Variants in TAF3 observed in about 807,000 individuals in gnomAD.
TAF3 encodes transcription initiation factor TFIID subunit 3.
TAF3 carries 7 observed loss-of-function variants against 80.6 expected under a neutral mutation model. The observed-to-expected ratio is 0.09, with a 90% confidence interval of 0.05 to 0.16. The LOEUF is 0.16. TAF3 is among the 10% of genes least tolerant of loss of function. The pLI is 1.00. For synonymous variants in TAF3, 444 were observed against 446.1 expected (o/e 1.00, Z 0.06); for missense variants, 921 against 1,140.2 (o/e 0.81, Z 2.77).
chr10:7,923,910 G>C (rs1837791033), intron 2 of TAF3, among the ~76,000 whole-genome samples: 1 of 152,150 alleles, frequency 6.6e-6, no homozygotes, highest in African/African-American at 2.4e-5. Flanking sequence ...TAATGGAACT[G>C]TTGAATTTCG....
chr10:7,972,741 T>A (rs1473903825), intron 3 of TAF3, among the ~76,000 whole-genome samples: 1 of 152,220 alleles, frequency 6.6e-6, no homozygotes, highest in African/African-American at 2.4e-5. Context: ...GACCATTTCT[T>A]GATTCCTTTG....
chr10:8,007,153 A>G (rs1832002036), intron 4 of TAF3, among the ~76,000 whole-genome samples: 1 of 152,180 alleles, frequency 6.6e-6, no homozygotes, highest in African/African-American at 2.4e-5. Context: ...TTTCAGTAGG[A>G]TGATGGACAA....
rs555365666 is a variant in TAF3 at position 7,929,586 on chromosome 10, A to G, written c.410-34334A>G. ...CTAATTTTTGTGATTTTATAGACAA[A>G]CTCCTGGACTCAAGTGACCTACTCA... On this transcript the variant is annotated intron_variant, in intron 2 of 6. Coordinates refer to ENST00000344293, the MANE Select transcript of TAF3 (RefSeq NM_031923.4). Among the ~76,000 whole-genome samples the G allele has an allele frequency of 5.7e-4, 85 of 150,026 alleles. No homozygotes were observed. The South Asian group carries it at 0.017, about 30-fold the overall frequency.
chr10:7,937,999 A>G (rs921203203), intron 2 of TAF3, among the ~76,000 whole-genome samples: 4 of 152,212 alleles, frequency 2.6e-5, no homozygotes, highest in East Asian at 1.9e-4. Flanking sequence ...GGATTTTGCA[A>G]TAGATGGTGG....
chr10:7,863,688 C>CACACATATATATATAT (rs1837176248), intron 2 of TAF3, among the ~76,000 whole-genome samples: 1 of 62,582 alleles, frequency 1.6e-5, no homozygotes, highest in African/African-American at 7.4e-5. Context: ...TATATATACA[C>CACACATATATATATAT]ACACATATAT....
intron 2 of TAF3, among the ~76,000 whole-genome samples, chr10:7,857,057 C>A (rs1163484054): frequency 1.3e-5 from 2 of 152,198 alleles, no homozygotes; most frequent in African/African-American, 2.4e-5. Context: ...ACCACTGTTA[C>A]AACTGACAGA....
chr10:7,950,543 T>C (rs1261925218), intron 2 of TAF3, among the ~76,000 whole-genome samples: 2 of 152,230 alleles, frequency 1.3e-5, no homozygotes, highest in African/African-American at 4.8e-5. Context: ...CTTCTGAGGA[T>C]GGAATCACTT....
At chr10:7,984,884 C>A (rs886728748) in intron 4 of TAF3, among the ~76,000 whole-genome samples, 2 of 152,168 alleles carry the variant, frequency 1.3e-5, no homozygotes, top group Admixed American at 6.5e-5. Flanking sequence ...TCAAACTACT[C>A]ACACTTCTGG....
At chr10:8,011,779 T>C (rs1235276748) in intron 5 of TAF3, among the ~76,000 whole-genome samples, 1 of 152,230 alleles carries the variant, frequency 6.6e-6, no homozygotes, top group Non-Finnish European at 1.5e-5. Context: ...TTAAACTTGG[T>C]AATCTCTGTG....
rs143458713 is a variant in TAF3 at position 7,830,243 on chromosome 10, A to G, written c.409+5683A>G. ...TAAATGGTTGATCTGAAGGAAATTT[A>G]AACCCTTTCTCCCAGTTCAAGAAAC... On this transcript the variant is annotated intron_variant, in intron 2 of 6. Coordinates refer to ENST00000344293, the MANE Select transcript of TAF3 (RefSeq NM_031923.4). 3.9e-3 allele frequency among the ~76,000 whole-genome samples: 598 copies of G among 152,144 alleles called. 3 individuals carry two copies. Among genetic ancestry groups the G allele is most frequent in the African/African-American group, 0.013 (545 of 41,498 alleles).
chr10:7,931,093 G>A (rs1837865684), intron 2 of TAF3, among the ~76,000 whole-genome samples: 1 of 152,096 alleles, frequency 6.6e-6, no homozygotes, highest in African/African-American at 2.4e-5. Flanking sequence ...ATTGCCTGGT[G>A]TTTTTAATTT....
At chr10:7,835,125 A>T (rs1836838911) in intron 2 of TAF3, among the ~76,000 whole-genome samples, 1 of 152,212 alleles carries the variant, frequency 6.6e-6, no homozygotes, top group Admixed American at 6.5e-5. Flanking sequence ...ACAGGTGTCC[A>T]ATCTTTTGGC....
rs149475418 is a variant in TAF3 at position 7,896,862 on chromosome 10, C to T, written c.410-67058C>T. Among the ~76,000 whole-genome samples, 1,058 of 152,224 alleles carry T rather than the reference C, an allele frequency of 7.0e-3. 11 individuals carry two copies. Among genetic ancestry groups the T allele is most frequent in the African/African-American group, 0.023 (946 of 41,542 alleles). ...AACAAGGCCAAAGTCAGATGTCAGC[C>T]CAGTCGAGCCCAGATGTCAGCCCAG... On this transcript the variant is annotated intron_variant, in intron 2 of 6. Transcript: ENST00000344293.
intron 2 of TAF3, among the ~76,000 whole-genome samples, chr10:7,954,935 G>A (rs112543489): frequency 3.7e-5 from 4 of 108,216 alleles, no homozygotes; most frequent in Non-Finnish European, 6.2e-5. Flanking sequence ...CTCCATAGGC[G>A]AATGAGTGAA....
At chr10:7,984,112 C>T (rs142464726) in intron 4 of TAF3, among the ~76,000 whole-genome samples, 1,893 of 152,132 alleles carry the variant, frequency 0.012, 13 homozygotes, top group Middle Eastern at 0.037. Flanking sequence ...ATTCAGCAGT[C>T]CCAAACCCAT....
At chr10:7,872,228 T>TTC (rs1355691180) in intron 2 of TAF3, among the ~76,000 whole-genome samples, 4 of 150,506 alleles carry the variant, frequency 2.7e-5, no homozygotes, top group African/African-American at 9.7e-5. Context: ...TTTTTTTTTT[T>TTC]TTTTTCTTTC....
chr10:7,983,596 A>G (rs1588576322), intron 4 of TAF3, among the ~76,000 whole-genome samples: 1 of 152,226 alleles, frequency 6.6e-6, no homozygotes, highest in Admixed American at 6.5e-5. Flanking sequence ...AAAAAAGATT[A>G]AAGAATGTTG....
At chr10:7,872,617 T>A (rs1381050761) in intron 2 of TAF3, among the ~76,000 whole-genome samples, 1 of 152,232 alleles carries the variant, frequency 6.6e-6, no homozygotes, top group Non-Finnish European at 1.5e-5. Context: ...TATCTTGCTT[T>A]CAGGTGCCCT....
chr10:7,915,162 G>A (rs966422771), intron 2 of TAF3, among the ~76,000 whole-genome samples: 3 of 150,642 alleles, frequency 2.0e-5, no homozygotes, highest in Non-Finnish European at 3.0e-5. Flanking sequence ...GGATGGTCTC[G>A]ATCTCCTGAG....
Sources: allele counts gnomAD v4.1 joint callset (sites outside exome capture counted in the v4.1 genomes callset), GRCh38; gene constraint gnomAD v4.1.1; transcripts MANE v1.5; gene names NCBI Gene and HGNC (gene_info 2026-07-23, HGNC 2026-07-21).